The following IMMP2L variants were observed in gnomAD, a reference collection of about 807,000 sequenced individuals.
The protein encoded by IMMP2L is inner mitochondrial membrane peptidase subunit 2, also known as mitochondrial inner membrane protease subunit 2.
A neutral mutation model predicts 19.3 loss-of-function variants in IMMP2L; 18 were observed. The observed-to-expected ratio is 0.93, with a 90% CI of 0.64 to 1.38. The LOEUF (loss-of-function observed/expected upper bound fraction) is 1.38. Among genes scored for constraint, IMMP2L ranks in the 40% most tolerant of loss-of-function variants. The pLI is 0.00. For missense variants in IMMP2L, 233 were observed against 218.2 expected, an observed-to-expected ratio of 1.07 and a Z score of -0.43; for synonymous variants, 76 against 73.0, an observed-to-expected ratio of 1.04 and a Z score of -0.21.
chr7:111,397,079 C>T (rs1000141024), intron 3 of IMMP2L, among the ~76,000 whole-genome samples: 1 of 151,172 alleles, frequency 6.6e-6, no homozygotes, highest in Non-Finnish European at 1.5e-5. Context: ...CAGAGCGAGA[C>T]TCTATCTCAA....
intron 3 of IMMP2L, among the ~76,000 whole-genome samples, chr7:111,058,365 C>T (rs1418525747): frequency 6.6e-6 from 1 of 152,062 alleles, no homozygotes; most frequent in Non-Finnish European, 1.5e-5. Context: ...AATGTCTTGG[C>T]TAGCTTGTTT....
intron 3 of IMMP2L, chr7:111,122,655 G>A: frequency 1.3e-6 from 1 of 783,866 alleles, no homozygotes; most frequent in Admixed American, 2.7e-5. Context: ...GTGGTTCTAT[G>A]GCATTCATCA....
At chr7:111,299,573 G>GAAA (rs71147472) in intron 3 of IMMP2L, among the ~76,000 whole-genome samples, 1 of 118,664 alleles carries the variant, frequency 8.4e-6, no homozygotes. Context: ...AGCTGAAGCA[G>GAAA]AAAAAAAAAA....
intron 3 of IMMP2L, chr7:111,124,201 T>A (rs766962009): frequency 1.4e-5 from 23 of 1,613,838 alleles, no homozygotes; most frequent in Non-Finnish European, 1.9e-5. Flanking sequence ...CTATGTCCAT[T>A]CTGAGGGAAC....
At chr7:110,673,084 A>T (rs1792034898) in intron 5 of IMMP2L, among the ~76,000 whole-genome samples, 1 of 152,232 alleles carries the variant, frequency 6.6e-6, no homozygotes, top group Admixed American at 6.5e-5. Flanking sequence ...CATCTGCAGC[A>T]GACTCCTTCC....
chr7:111,505,524 T>A (rs776297972), intron 2 of IMMP2L, among the ~76,000 whole-genome samples: 3 of 152,062 alleles, frequency 2.0e-5, no homozygotes, highest in African/African-American at 4.8e-5. Context: ...CACACACACA[T>A]ATATATTGTG....
At chr7:110,665,728 T>C (rs1436401500) in intron 5 of IMMP2L, among the ~76,000 whole-genome samples, 1 of 152,198 alleles carries the variant, frequency 6.6e-6, no homozygotes, top group Non-Finnish European at 1.5e-5. Context: ...CATCTCATTG[T>C]TGTGATGCCA....
chr7:111,317,389 A>G (rs1293688661), intron 3 of IMMP2L, among the ~76,000 whole-genome samples: 3 of 152,158 alleles, frequency 2.0e-5, no homozygotes, highest in Non-Finnish European at 4.4e-5. Context: ...CAAGCTTAAT[A>G]TGGTTTGGCT....
intron 3 of IMMP2L, among the ~76,000 whole-genome samples, chr7:111,218,033 A>G (rs1812140227): frequency 6.6e-6 from 1 of 152,014 alleles, no homozygotes; most frequent in South Asian, 2.1e-4. Flanking sequence ...GTGCTTTCAT[A>G]AGAAGTAAAA....
At chr7:110,667,700 A>T (rs1487241204) in intron 5 of IMMP2L, among the ~76,000 whole-genome samples, 1 of 152,240 alleles carries the variant, frequency 6.6e-6, no homozygotes, top group Non-Finnish European at 1.5e-5. Context: ...TTCAGAAGGA[A>T]TGCAGCCCTG....
rs749867226 is a variant in IMMP2L at position 111,392,785 on chromosome 7, A to C, written c.239+94453T>G. On this transcript the variant is annotated intron_variant, in intron 3 of 5. Coordinates refer to ENST00000405709, the MANE Select transcript of IMMP2L (RefSeq NM_032549.4). ...TTGCTAGAGTGGTCATAAAACTCCAAAAAACACTTTACTTACCATTACTGG... is the reference window on the plus strand; with the variant it reads ...TTGCTAGAGTGGTCATAAAACTCCACAAAACACTTTACTTACCATTACTGG... The C allele has an allele frequency of 2.8e-5, 13 of 456,516 alleles. 1 individual carries two copies. The highest frequency in any genetic ancestry group is 1.9e-4 in the South Asian group (12 of 64,562). The allele number at this position is 456,516 out of a possible 1,614,324, so 28.3% of individuals were successfully genotyped here.
intron 3 of IMMP2L, among the ~76,000 whole-genome samples, chr7:111,141,832 C>T (rs550734892): frequency 6.6e-6 from 1 of 152,268 alleles, no homozygotes; most frequent in South Asian, 2.1e-4. Context: ...TCCCAAAAAG[C>T]TAGGGCTACA....
chr7:111,388,016 C>A (rs533695243), intron 3 of IMMP2L, among the ~76,000 whole-genome samples: 2 of 145,320 alleles, frequency 1.4e-5, no homozygotes, highest in South Asian at 4.4e-4. Context: ...TACTAAATAA[C>A]CCCATTTTTA....
At chr7:110,786,424 G>A (rs909300064) in intron 5 of IMMP2L, among the ~76,000 whole-genome samples, 6 of 151,880 alleles carry the variant, frequency 4.0e-5, no homozygotes, top group Admixed American at 3.9e-4. Context: ...AAATAGCATG[G>A]GCTTAAGCTT....
chr7:111,216,243 C>T (rs1447630542), intron 3 of IMMP2L, among the ~76,000 whole-genome samples: 1 of 152,090 alleles, frequency 6.6e-6, no homozygotes, highest in Non-Finnish European at 1.5e-5. Flanking sequence ...CTCAAGAGCA[C>T]TGTTTTAAAA....
chr7:110,754,088 A>G (rs980096206), intron 5 of IMMP2L, among the ~76,000 whole-genome samples: 2 of 151,982 alleles, frequency 1.3e-5, no homozygotes, highest in Non-Finnish European at 2.9e-5. Flanking sequence ...CCTCTTTTCA[A>G]GATTATACAT....
intron 3 of IMMP2L, among the ~76,000 whole-genome samples, chr7:111,311,309 A>G (rs1563044429): frequency 1.3e-5 from 2 of 151,952 alleles, no homozygotes; most frequent in East Asian, 3.9e-4. Flanking sequence ...GGAAAGAAAG[A>G]AGGAAGGAAA....
At chr7:110,834,423 A>G (rs1369549840) in intron 5 of IMMP2L, among the ~76,000 whole-genome samples, 1 of 152,086 alleles carries the variant, frequency 6.6e-6, no homozygotes. Flanking sequence ...TAACATATAC[A>G]CATTAGCTCA....
At chr7:110,892,007 T>G (rs1650108840) in intron 4 of IMMP2L, among the ~76,000 whole-genome samples, 1 of 152,168 alleles carries the variant, frequency 6.6e-6, no homozygotes, top group South Asian at 2.1e-4. Flanking sequence ...GTGCTGGGCC[T>G]CAGAAATTGA....
Sources: gnomAD v4.1 joint callset for allele counts (sites outside exome capture counted in the v4.1 genomes callset) on GRCh38, gnomAD v4.1.1 for gene constraint, MANE v1.5 for transcripts, NCBI Gene and HGNC (gene_info 2026-07-23, HGNC 2026-07-21) for gene names.